Variants in PRKN observed in about 807,000 individuals in gnomAD.
PRKN encodes parkin RBR E3 ubiquitin protein ligase, also known as E3 ubiquitin-protein ligase parkin.
In PRKN, 56 loss-of-function variants were observed where a neutral mutation model predicts 59.5. The observed-to-expected ratio is 0.94, with a 90% CI of 0.76 to 1.18. The LOEUF is 1.18. Among genes scored for constraint, PRKN ranks in the 50% most tolerant of loss-of-function variants. PRKN has a pLI of 0.00. For missense variants in PRKN, 657 were observed against 596.4 expected, an observed-to-expected ratio of 1.10 and a Z score of -1.06; for synonymous variants, 250 against 222.1, an observed-to-expected ratio of 1.13 and a Z score of -1.12.
At chr6:161,416,729 G>C (rs1460675680) in intron 9 of PRKN, among the ~76,000 whole-genome samples, 1 of 152,162 alleles carries the variant, frequency 6.6e-6, no homozygotes, top group Non-Finnish European at 1.5e-5. Context: ...CAGAAAGGAT[G>C]GTTCATGGTT....
chr6:162,090,376 C>G (rs1417798873), intron 4 of PRKN, among the ~76,000 whole-genome samples: 1 of 152,082 alleles, frequency 6.6e-6, no homozygotes, highest in African/African-American at 2.4e-5. Flanking sequence ...ATAGTTATCC[C>G]TCAATCAGCA....
chr6:162,094,248 G>C (rs1013510058), intron 4 of PRKN, among the ~76,000 whole-genome samples: 1 of 152,134 alleles, frequency 6.6e-6, no homozygotes, highest in Non-Finnish European at 1.5e-5. Context: ...CCAACACGTT[G>C]GGAGCCTGAG....
At position 161,518,880 on chromosome 6, in the gene PRKN, C is replaced by T. The variant is rs1479804472; in HGVS notation, c.1083+29974G>A. 6.6e-6 allele frequency among the ~76,000 whole-genome samples: 1 copy of T among 152,168 alleles called. No individual in the cohort carries two copies. Among genetic ancestry groups the T allele is most frequent in the Non-Finnish European group, 1.5e-5 (1 of 68,032 alleles). On this transcript the variant is annotated intron_variant, in intron 9 of 11. Transcript: ENST00000366898. The surrounding 1 kb of genome is among the most constrained non-coding windows in gnomAD (Gnocchi z 5.0). ...CTCACTCAGAGAGCAGCCCTCCACA[C>T]CAATGTCAGGGAGAGGAAGGCTGAG...
In PRKN at chr6:161,463,449, C is replaced by T. The variant is rs1583102044; in HGVS notation, c.1084-76572G>A. Among the ~76,000 whole-genome samples, 3 of 152,188 alleles carry T rather than the reference C, an allele frequency of 2.0e-5. No individual in the cohort carries two copies. Among genetic ancestry groups the T allele is most frequent in the Admixed American group, 6.5e-5 (1 of 15,288 alleles). On this transcript the variant is annotated intron_variant, in intron 9 of 11. Coordinates refer to ENST00000366898, the MANE Select transcript of PRKN (RefSeq NM_004562.3). The surrounding 1 kb of genome is among the most constrained non-coding windows in gnomAD (Gnocchi z 4.8). ...AAATTGGCCATATCATCCTGCCCCT[C>T]CTTGATTTTGGACAGGATGCATTTG...
At chr6:162,147,344 G>GAAAAAAAAAAAAAAAA (rs767653516) in intron 4 of PRKN, among the ~76,000 whole-genome samples, 1 of 42,068 alleles carries the variant, frequency 2.4e-5, no homozygotes. Flanking sequence ...CTCTGTCTCA[G>GAAAAAAAAAAAAAAAA]AAAAAAAAAA....
chr6:162,356,066 T>C (rs980255), intron 2 of PRKN, among the ~76,000 whole-genome samples: 101,837 of 151,974 alleles, frequency 0.67, 35,557 homozygotes, highest in African/African-American at 0.87. Context: ...GAGGGCACTG[T>C]GGGCACTTTA....
chr6:162,160,659 A>C (rs1782711812), intron 4 of PRKN, among the ~76,000 whole-genome samples: 1 of 152,054 alleles, frequency 6.6e-6, no homozygotes, highest in Non-Finnish European at 1.5e-5. Context: ...GTGAGAGAGA[A>C]AAAAAGACCA....
chr6:162,542,095 A>G (rs1439095750), intron 1 of PRKN, among the ~76,000 whole-genome samples: 1 of 152,162 alleles, frequency 6.6e-6, no homozygotes, highest in Non-Finnish European at 1.5e-5. Context: ...TGCGGAAGGT[A>G]AGAGAATTCA....
chr6:162,097,170 C>T lies in PRKN; in HGVS notation c.535-42996G>A, dbSNP rs772077033. 2.0e-5 allele frequency among the ~76,000 whole-genome samples: 3 copies of T among 152,240 alleles called. No individual in the cohort carries two copies. In the South Asian group the frequency reaches 6.2e-4, roughly 32 times the overall value. ...GGACTACAGGCGTGAGCCACTGTAC[C>T]TGGCCAAAAATTATTATTTAACATG... On this transcript the variant is annotated intron_variant, in intron 4 of 11. Coordinates refer to ENST00000366898, the MANE Select transcript of PRKN (RefSeq NM_004562.3).
intron 1 of PRKN, among the ~76,000 whole-genome samples, chr6:162,469,346 TTGCA>T (rs1398045099): frequency 8.8e-6 from 1 of 113,536 alleles, no homozygotes; most frequent in Non-Finnish European, 1.8e-5. Flanking sequence ...AGTGGGGGGG[TTGCA>T]GGGGGGGGTG....
Position 161,394,751 on chromosome 6 carries a change from C to T in PRKN, c.1084-7874G>A, listed in dbSNP as rs140680802. ...GAGGAGAAAAGACCCACTGAGCTTACTTTCAACAGGCTGACCTCAGCACCT... is the reference window on the plus strand; with the variant it reads ...GAGGAGAAAAGACCCACTGAGCTTATTTTCAACAGGCTGACCTCAGCACCT... On this transcript the variant is annotated intron_variant, in intron 9 of 11. Coordinates refer to ENST00000366898, the MANE Select transcript of PRKN (RefSeq NM_004562.3). 4.3e-3 allele frequency among the ~76,000 whole-genome samples: 652 copies of T among 152,230 alleles called. 2 individuals are homozygous for T. Among genetic ancestry groups the T allele is most frequent in the South Asian group, 0.011 (54 of 4,830 alleles).
chr6:162,473,388 C>A (rs1280878256), intron 1 of PRKN, among the ~76,000 whole-genome samples: 1 of 152,090 alleles, frequency 6.6e-6, no homozygotes, highest in African/African-American at 2.4e-5. Flanking sequence ...ATCTGGTGAA[C>A]ACACTTTGAA....
intron 10 of PRKN, among the ~76,000 whole-genome samples, chr6:161,367,883 A>G (rs1785273311): frequency 6.6e-6 from 1 of 152,206 alleles, no homozygotes; most frequent in Non-Finnish European, 1.5e-5. Flanking sequence ...GGAGCTTGTC[A>G]TTAACTATTT....
At chr6:161,610,850 G>A (rs1224073298) in intron 7 of PRKN, among the ~76,000 whole-genome samples, 1 of 152,140 alleles carries the variant, frequency 6.6e-6, no homozygotes, top group Non-Finnish European at 1.5e-5. Context: ...TCGTCCACGT[G>A]GCCAGAGGTT....
In PRKN at chr6:161,912,176, T is replaced by TAA. The variant is rs59096059; in HGVS notation, c.734+61124_734+61125dup. ...CTGGACGACAGAGGAGAATCTGTCCTAAAAAAAAAAAAAAAAAGTTGGATG... is the reference window on the plus strand; with the variant it reads ...CTGGACGACAGAGGAGAATCTGTCCTAAAAAAAAAAAAAAAAAAAGTTGGATG... On this transcript the variant is annotated intron_variant, in intron 6 of 11. Coordinates refer to ENST00000366898, the MANE Select transcript of PRKN (RefSeq NM_004562.3). Among the ~76,000 whole-genome samples, 568 of 125,780 alleles carry TAA rather than the reference T, an allele frequency of 4.5e-3. 6 individuals carry two copies. The highest frequency in any genetic ancestry group is 0.013 in the African/African-American group (444 of 34,986). The allele number at this position is 125,780 out of a possible 152,430, so 82.5% of individuals were successfully genotyped here.
chr6:161,558,596 C>A (rs1780333760), intron 8 of PRKN, among the ~76,000 whole-genome samples: 1 of 151,666 alleles, frequency 6.6e-6, no homozygotes, highest in Admixed American at 6.6e-5. Context: ...GCTCACTATT[C>A]CTCTGCCATC....
At chr6:162,054,958 T>C (rs1296018430) in intron 4 of PRKN, among the ~76,000 whole-genome samples, 1 of 152,114 alleles carries the variant, frequency 6.6e-6, no homozygotes, top group Non-Finnish European at 1.5e-5. Flanking sequence ...GGTCAGGAGT[T>C]CAAGACCAGT....
chr6:161,450,761 T>A (rs995339172), intron 9 of PRKN, among the ~76,000 whole-genome samples: 2 of 152,200 alleles, frequency 1.3e-5, no homozygotes, highest in Non-Finnish European at 2.9e-5. Context: ...TTCACTGTGT[T>A]AGCCAGGATG....
intron 2 of PRKN, among the ~76,000 whole-genome samples, chr6:162,333,547 C>A (rs991163246): frequency 1.3e-5 from 2 of 152,106 alleles, no homozygotes; most frequent in Non-Finnish European, 2.9e-5. Flanking sequence ...TTTTGGGGCA[C>A]CACCAACCAT....
Sources: allele counts gnomAD v4.1 joint callset (sites outside exome capture counted in the v4.1 genomes callset), GRCh38; gene constraint gnomAD v4.1.1; non-coding constraint Gnocchi (gnomAD v3.1); transcripts MANE v1.5; gene names NCBI Gene and HGNC (gene_info 2026-07-23, HGNC 2026-07-21).